Variants in LINGO2 observed in about 807,000 individuals in gnomAD.
LINGO2 encodes the protein leucine rich repeat and Ig domain containing 2.
LINGO2 carries 14 observed loss-of-function variants against 30.6 expected under a neutral mutation model. The observed-to-expected ratio is 0.46, with a 90% CI of 0.30 to 0.72. The LOEUF is 0.72. Among genes scored for constraint, LINGO2 ranks in the 30% least tolerant of loss-of-function variants. The pLI is 0.07. For synonymous variants in LINGO2, 317 were observed against 288.5 expected (o/e 1.10, Z -1.00); for missense variants, 729 against 751.7 (o/e 0.97, Z 0.35).
chr9:28,677,459 A>C, the LINGO2 span, among the ~76,000 whole-genome samples: 2 of 152,206 alleles, frequency 1.3e-5, no homozygotes, highest in African/African-American at 2.4e-5. Flanking sequence ...AAAGCAAGCC[A>C]GTATCCAAGA....
intron 4 of LINGO2, among the ~76,000 whole-genome samples, chr9:28,280,277 A>G (rs991308977): frequency 6.6e-6 from 1 of 152,200 alleles, no homozygotes; most frequent in Non-Finnish European, 1.5e-5. Context: ...AGTAAGATAC[A>G]TAAGAGTCCA....
At chr9:28,983,556 T>A in the LINGO2 span, among the ~76,000 whole-genome samples, 1 of 151,908 alleles carries the variant, frequency 6.6e-6, no homozygotes, top group Non-Finnish European at 1.5e-5. Context: ...TTTCAATAAC[T>A]TGAAAGTACT....
At position 28,492,832 on chromosome 9, in the gene LINGO2, AAACAACAAC is replaced by A. The variant is rs750571371; in HGVS notation, c.-364-16816_-364-16808del. ...GAACTGCAAAGGACTCCTAAAAGAA[AAACAACAAC>A]AACAACAACAAAAAAACGGTGAGGG... On this transcript the variant is annotated intron_variant, in intron 1 of 5. Coordinates refer to ENST00000379992, the Ensembl canonical transcript of LINGO2. 2.6e-5 allele frequency among the ~76,000 whole-genome samples: 4 copies of A among 151,970 alleles called. No homozygotes were observed. The South Asian group carries it at 6.2e-4, about 24-fold the overall frequency.
intron 4 of LINGO2, among the ~76,000 whole-genome samples, chr9:28,061,389 T>C (rs1825139158): frequency 3.3e-5 from 5 of 151,804 alleles, no homozygotes; most frequent in Admixed American, 2.6e-4. Context: ...AGTGGCAGGC[T>C]ACTTTCTGGA....
chr9:29,121,482 A>G, the LINGO2 span, among the ~76,000 whole-genome samples: 1 of 152,156 alleles, frequency 6.6e-6, no homozygotes, highest in Non-Finnish European at 1.5e-5. Context: ...ATTTGAAATT[A>G]TAAAACATTT....
intron 4 of LINGO2, among the ~76,000 whole-genome samples, chr9:28,168,394 CA>C (rs2133639429): frequency 6.6e-6 from 1 of 152,294 alleles, no homozygotes; most frequent in South Asian, 2.1e-4. Flanking sequence ...AAGGCTTCTT[CA>C]GGAAAAATAA....
chr9:29,101,935 T>A, the LINGO2 span, among the ~76,000 whole-genome samples: 1 of 152,178 alleles, frequency 6.6e-6, no homozygotes, highest in African/African-American at 2.4e-5. Context: ...TTCCTGGATA[T>A]ATTAAAAGCT....
intron 4 of LINGO2, among the ~76,000 whole-genome samples, chr9:28,047,065 C>A (rs1824455563): frequency 6.6e-6 from 1 of 152,114 alleles, no homozygotes; most frequent in African/African-American, 2.4e-5. Flanking sequence ...GGAACCCAAA[C>A]AATCCCCATA....
At chr9:29,101,065 G>C in the LINGO2 span, among the ~76,000 whole-genome samples, 1 of 152,126 alleles carries the variant, frequency 6.6e-6, no homozygotes, top group Non-Finnish European at 1.5e-5. Context: ...TCCTAATAGA[G>C]TATGCTTATA....
chr9:28,804,564 C>CAAAAACCAAAACAAAAACA, the LINGO2 span, among the ~76,000 whole-genome samples: 1 of 127,750 alleles, frequency 7.8e-6, no homozygotes, highest in African/African-American at 2.6e-5. Flanking sequence ...AAAACAAAAA[C>CAAAAACCAAAACAAAAACA]AAAAAAAAAA....
chr9:29,097,767 A>G, the LINGO2 span, among the ~76,000 whole-genome samples: 1 of 139,058 alleles, frequency 7.2e-6, no homozygotes, highest in Non-Finnish European at 1.6e-5. Context: ...CCCCTTCACT[A>G]GAGATTATAA....
At chr9:28,383,254 T>TTGTGTGTGTG (rs3065590) in intron 2 of LINGO2, among the ~76,000 whole-genome samples, 3,041 of 73,554 alleles carry the variant, frequency 0.041, 47 homozygotes, top group Middle Eastern at 0.075. Context: ...TCACCATTCA[T>TTGTGTGTGTG]TGTGTGTGTG....
chr9:29,124,992 CAA>C, the LINGO2 span, among the ~76,000 whole-genome samples: 2 of 152,044 alleles, frequency 1.3e-5, no homozygotes, highest in African/African-American at 4.8e-5. Flanking sequence ...TGTACAATAG[CAA>C]AGACTTGGAA....
the LINGO2 span, among the ~76,000 whole-genome samples, chr9:28,975,575 A>G: frequency 6.6e-6 from 1 of 152,224 alleles, no homozygotes; most frequent in Non-Finnish European, 1.5e-5. Context: ...ATGCAAAATT[A>G]TCTATGACAT....
chr9:28,981,984 G>C, the LINGO2 span, among the ~76,000 whole-genome samples: 2 of 152,194 alleles, frequency 1.3e-5, no homozygotes, highest in Non-Finnish European at 2.9e-5. Context: ...TGTTACAGCA[G>C]AGAAATAGAA....
chr9:28,105,289 C>A (rs1413123476), intron 4 of LINGO2, among the ~76,000 whole-genome samples: 3 of 152,114 alleles, frequency 2.0e-5, no homozygotes, highest in Non-Finnish European at 2.9e-5. Context: ...GAAGCTCTCA[C>A]AGAATATAAG....
At chr9:28,837,681 T>TATATATATATATA in the LINGO2 span, among the ~76,000 whole-genome samples, 144 of 130,656 alleles carry the variant, frequency 1.1e-3, no homozygotes, top group Middle Eastern at 0.012. Context: ...TATATATATA[T>TATATATATATATA]TTAGGATAAC....
chr9:27,955,997 T>C (rs1819548071), intron 5 of LINGO2, among the ~76,000 whole-genome samples: 1 of 142,034 alleles, frequency 7.0e-6, no homozygotes, highest in Non-Finnish European at 1.5e-5. Flanking sequence ...TGGAGTGCAA[T>C]GGCATGATCT....
intron 1 of LINGO2, among the ~76,000 whole-genome samples, chr9:28,608,851 T>C (rs1825797904): frequency 6.6e-6 from 1 of 152,016 alleles, no homozygotes; most frequent in South Asian, 2.1e-4. Context: ...GATGGTTACT[T>C]AGCATATTCA....
Sources: allele counts gnomAD v4.1 joint callset (sites outside exome capture counted in the v4.1 genomes callset), GRCh38; gene constraint gnomAD v4.1.1; transcripts MANE v1.5; gene names NCBI Gene and HGNC (gene_info 2026-07-23, HGNC 2026-07-21).